The following KCNT1 variants were observed in gnomAD, a reference collection of about 807,000 sequenced individuals.
KCNT1 encodes the protein potassium sodium-activated channel subfamily T member 1, also known as potassium channel subfamily T member 1.
A neutral mutation model predicts 147.8 loss-of-function variants in KCNT1; 78 were observed. The observed-to-expected ratio is 0.53, with a 90% CI of 0.44 to 0.64. KCNT1 has a LOEUF of 0.64. Among genes scored for constraint, KCNT1 ranks in the 30% least tolerant of loss-of-function variants. KCNT1 has a pLI of 0.00. For synonymous variants in KCNT1, 867 were observed against 748.8 expected (o/e 1.16, Z -2.58); for missense variants, 1,419 against 1,750.3 (o/e 0.81, Z 3.38).
intron 11 of KCNT1, 128 bp from the exon 12 acceptor site, chr9:135,764,903 G>T: frequency 1.1e-6 from 1 of 888,476 alleles, no homozygotes; most frequent in African/African-American, 1.7e-5. Flanking sequence ...CCTAATGTAG[G>T]TGTCACCCCC....
intron 2 of KCNT1, among the ~76,000 whole-genome samples, chr9:135,746,198 C>T (rs1419731646): frequency 6.6e-6 from 1 of 152,210 alleles, no homozygotes; most frequent in East Asian, 1.9e-4. Flanking sequence ...TCGCAGGCTC[C>T]AGTTTCTCAG....
chr9:135,786,338 C>G lies in KCNT1; in HGVS notation c.3319C>G (p.Arg1107Gly). The change falls in exon 29 of 31, where the codon CGC becomes GGC. Residue 1107 changes from arginine to glycine, a missense_variant. By Grantham distance (125) the Arg-to-Gly change is moderately radical (BLOSUM62 -2). Around this residue, in one of 5 missense-constraint regions of KCNT1, gnomAD observed 306 missense variants for 294.2 expected, o/e 1.04. Coordinates refer to ENST00000371757, the MANE Select transcript of KCNT1 (RefSeq NM_020822.3). Reference protein sequence around the residue: ...GDPAEHPLLRRKSLQWARRLS... With the variant: ...GDPAEHPLLRGKSLQWARRLS... The stretch of plus-strand genomic sequence containing the variant: ...CCCCGCAGAGCACCCACTGCTACGG[C>G]GCAAGAGCCTGCAGTGGGCCCGGAG... 1.3e-6 allele frequency: 2 copies of G among 1,593,130 alleles called. No individual in the cohort carries two copies. The highest frequency in any genetic ancestry group is 2.3e-5 in the South Asian group (2 of 88,688).
At chr9:135,719,070 C>T (rs548463924) in intron 2 of KCNT1, among the ~76,000 whole-genome samples, 5 of 152,324 alleles carry the variant, frequency 3.3e-5, no homozygotes, top group East Asian at 3.9e-4. Context: ...AGTCCACCTG[C>T]GCCCAGGCTC....
Position 135,767,204 on chromosome 9 carries a change from A to G in KCNT1, c.1338-1406A>G, listed in dbSNP as rs187903533. 1.2e-3 allele frequency among the ~76,000 whole-genome samples: 183 copies of G among 152,190 alleles called. 2 individuals are homozygous for G. Among genetic ancestry groups the G allele is most frequent in the African/African-American group, 4.0e-3 (167 of 41,520 alleles). On this transcript the variant is annotated intron_variant, in intron 13 of 30. Coordinates refer to ENST00000371757, the MANE Select transcript of KCNT1 (RefSeq NM_020822.3). ...CAAGCTGGAACCCATTGCCTATGGA[A>G]CGCCACCTCTTTTGTGGTCCCGTCC...
chr9:135,774,871 G>A (rs1055051564), intron 19 of KCNT1, among the ~76,000 whole-genome samples: 5 of 152,120 alleles, frequency 3.3e-5, no homozygotes, highest in Admixed American at 6.5e-5. Flanking sequence ...CTGGGTGAGG[G>A]CAGCAGCAGT....
In KCNT1 at chr9:135,768,152, G is replaced by C. The variant is rs372723046; in HGVS notation, c.1338-458G>C. ...TGTGCCTTCTCGAGTGTCGGAGCTT[G>C]GAGTCTCCTAGGGTGTCCAGGAGTC... is the stretch of plus-strand genomic sequence containing the variant. On this transcript the variant is annotated intron_variant, in intron 13 of 30. Transcript: ENST00000371757. 1.6e-4 allele frequency among the ~76,000 whole-genome samples: 24 copies of C among 147,610 alleles called. No individual in the cohort carries two copies. The East Asian group carries it at 2.5e-3, about 16-fold the overall frequency.
At chr9:135,753,724 CAGTT>C in intron 4 of KCNT1, 1 of 598,436 alleles carries the variant, frequency 1.7e-6, no homozygotes, top group East Asian at 2.8e-5. Flanking sequence ...CAGCATTCCT[CAGTT>C]AGAGGCCCTC....
chr9:135,765,786 G>A (rs1384565342), intron 13 of KCNT1, 26 bp downstream of exon 13: 2 of 1,570,402 alleles, frequency 1.3e-6, no homozygotes, highest in Non-Finnish European at 8.7e-7. Flanking sequence ...CGGAGGGGGT[G>A]GCATGGGGGC....
chr9:135,779,489 T>C lies in KCNT1; in HGVS notation c.2841+19T>C, dbSNP rs751254679. ...AGAAAAGGTGAGCAGCCCTGCCCCGTGCCAGCTGCCACCCCAGAATCCCAG... is the reference window on the plus strand; with the variant it reads ...AGAAAAGGTGAGCAGCCCTGCCCCGCGCCAGCTGCCACCCCAGAATCCCAG... On this transcript the variant is annotated intron_variant, in intron 24 of 30. Coordinates refer to ENST00000371757, the MANE Select transcript of KCNT1 (RefSeq NM_020822.3). 2.6e-6 allele frequency: 4 copies of C among 1,521,794 alleles called. No homozygotes were observed. The South Asian group carries it at 4.5e-5, about 17-fold the overall frequency. 94.3% of individuals were successfully genotyped at this position (1,521,794 alleles called of 1,614,324 possible).
chr9:135,718,345 G>A (rs766765074), intron 2 of KCNT1, among the ~76,000 whole-genome samples: 1 of 152,172 alleles, frequency 6.6e-6, no homozygotes, highest in East Asian at 1.9e-4. Context: ...GCCATAGGGG[G>A]CCCAGGTCTG....
intron 6 of KCNT1, among the ~76,000 whole-genome samples, chr9:135,755,779 A>G (rs1342129473): frequency 6.7e-6 from 1 of 148,890 alleles, no homozygotes. Context: ...CTTAGGACAG[A>G]CCCAGCATTT....
chr9:135,742,393 G>A (rs925369834), intron 2 of KCNT1, among the ~76,000 whole-genome samples: 1 of 152,218 alleles, frequency 6.6e-6, no homozygotes, highest in African/African-American at 2.4e-5. Context: ...ACCTGCTTGC[G>A]TGGCTGAAGG....
chr9:135,771,272 G>C, intron 18 of KCNT1, 177 bp downstream of exon 18: 1 of 634,106 alleles, frequency 1.6e-6, no homozygotes, highest in Non-Finnish European at 2.7e-6. Context: ...CGGGAGACCA[G>C]GCAGGGCGGG....
At chr9:135,733,078 AG>A in intron 2 of KCNT1, among the ~76,000 whole-genome samples, 1 of 152,086 alleles carries the variant, frequency 6.6e-6, no homozygotes, top group African/African-American at 2.4e-5. Flanking sequence ...ACCCTCCAGG[AG>A]GTCTGTGATG....
At chr9:135,778,258 A>G in intron 21 of KCNT1, 166 bp from the exon 22 acceptor site, 1 of 622,440 alleles carries the variant, frequency 1.6e-6, no homozygotes, top group South Asian at 2.0e-5. Context: ...TGAATAAAAT[A>G]AAGAATGGCC....
At chr9:135,708,070 A>G (rs922301643) in intron 1 of KCNT1, among the ~76,000 whole-genome samples, 2 of 152,228 alleles carry the variant, frequency 1.3e-5, no homozygotes, top group Non-Finnish European at 2.9e-5. Flanking sequence ...CATGGTCAGC[A>G]GAGAGGTTCT....
At chr9:135,774,165 T>C (rs901392355) in intron 19 of KCNT1, among the ~76,000 whole-genome samples, 1 of 150,964 alleles carries the variant, frequency 6.6e-6, no homozygotes, top group African/African-American at 2.4e-5. Context: ...GTGTGTGTGG[T>C]ATGTGTCCGT....
chr9:135,773,114 A>G (rs867417744), intron 19 of KCNT1, among the ~76,000 whole-genome samples, 165 bp downstream of exon 19: 1 of 152,216 alleles, frequency 6.6e-6, no homozygotes, highest in Admixed American at 6.5e-5. Context: ...AGGGGGCCCA[A>G]CACAGACATC....
At chr9:135,745,183 A>G (rs1830760267) in intron 2 of KCNT1, among the ~76,000 whole-genome samples, 1 of 152,170 alleles carries the variant, frequency 6.6e-6, no homozygotes, top group African/African-American at 2.4e-5. Context: ...GAGAATGGAC[A>G]CAGGAAGTAG....
Sources: gnomAD v4.1 joint callset for allele counts (sites outside exome capture counted in the v4.1 genomes callset) on GRCh38, gnomAD v4.1.1 for gene constraint, gnomAD v4.1.1 regional missense constraint, MANE v1.5 for transcripts, NCBI Gene and HGNC (gene_info 2026-07-23, HGNC 2026-07-21) for gene names.